Variants in XKR4 observed in about 807,000 individuals in gnomAD.
XKR4 encodes the protein XK-related protein 4.
XKR4 carries 12 observed loss-of-function variants against 53.9 expected under a neutral mutation model. The ratio of observed to expected loss-of-function variants is 0.22; its 90% confidence interval spans 0.14 to 0.36. The LOEUF (loss-of-function observed/expected upper bound fraction) is 0.36, where lower values mean the gene tolerates loss of function less well. Ranked by LOEUF, XKR4 falls within the 10% of genes least tolerant of loss-of-function variation. XKR4 has a pLI of 1.00. For missense variants in XKR4, 799 were observed against 859.5 expected (o/e 0.93, Z 0.88); for synonymous variants, 354 against 362.4 (o/e 0.98, Z 0.26).
chr8:55,364,085 G>T (rs1476767797), intron 2 of XKR4, among the ~76,000 whole-genome samples: 1 of 152,086 alleles, frequency 6.6e-6, no homozygotes, highest in Admixed American at 6.5e-5. Context: ...AAAATGAGAG[G>T]GGGGCTTACA....
At chr8:55,178,118 T>G (rs1817257391) in intron 1 of XKR4, among the ~76,000 whole-genome samples, 2 of 152,356 alleles carry the variant, frequency 1.3e-5, no homozygotes, top group South Asian at 4.1e-4. Flanking sequence ...TTCTTGTGCT[T>G]GTGTGCATAC....
At chr8:55,236,508 T>A (rs1359346362) in intron 1 of XKR4, among the ~76,000 whole-genome samples, 1 of 152,218 alleles carries the variant, frequency 6.6e-6, no homozygotes, top group Non-Finnish European at 1.5e-5. Context: ...GTCAAGAGGC[T>A]GGCCCACAGA....
At position 55,538,698 on chromosome 8, in the gene XKR4, A is replaced by AT. The variant is rs1384183241; in HGVS notation, c.*14477dup. On this transcript the variant is annotated 3_prime_UTR_variant, in exon 3 of 3. Transcript: ENST00000327381. ...GTTTGCATGCCTGATCCCAAGCTGC[A>AT]TTTTTTCAGAATGCGTGCATGATGC... 3 of 152,120 alleles carry AT rather than the reference A, an allele frequency of 2.0e-5. No individual in the cohort carries two copies. Among genetic ancestry groups the AT allele is most frequent in the Non-Finnish European group, 4.4e-5 (3 of 68,014 alleles). The allele number at this position is 152,120 out of a possible 1,614,324, so 9.4% of individuals were successfully genotyped here.
chr8:55,483,654 G>A (rs1366607341), intron 2 of XKR4, among the ~76,000 whole-genome samples: 1 of 151,838 alleles, frequency 6.6e-6, no homozygotes, highest in Non-Finnish European at 1.5e-5. Context: ...ACACTGTACT[G>A]AATAAAAACA....
At chr8:55,449,891 C>G (rs1336280443) in intron 2 of XKR4, 2 of 908,548 alleles carry the variant, frequency 2.2e-6, no homozygotes, top group Non-Finnish European at 3.6e-6. Flanking sequence ...CTGCCGCAGG[C>G]AGCCTGGCGG....
At chr8:55,286,164 C>T (rs1387867576) in intron 1 of XKR4, among the ~76,000 whole-genome samples, 3 of 152,134 alleles carry the variant, frequency 2.0e-5, no homozygotes, top group Non-Finnish European at 4.4e-5. Context: ...TCTCCTCCCT[C>T]AAAATGACAA....
At chr8:55,289,720 A>G (rs1452243219) in intron 1 of XKR4, among the ~76,000 whole-genome samples, 3 of 54,910 alleles carry the variant, frequency 5.5e-5, no homozygotes, top group Non-Finnish European at 2.4e-4. Flanking sequence ...AAAGAGAGAG[A>G]AAGAGAAAGA....
intron 2 of XKR4, among the ~76,000 whole-genome samples, chr8:55,461,237 C>T (rs541323426): frequency 6.6e-6 from 1 of 152,356 alleles, no homozygotes; most frequent in African/African-American, 2.4e-5. Context: ...TAGGGGCGGA[C>T]TGACACCTCA....
intron 1 of XKR4, among the ~76,000 whole-genome samples, chr8:55,327,274 G>T (rs527888235): frequency 1.3e-5 from 2 of 151,896 alleles, no homozygotes; most frequent in East Asian, 3.9e-4. Flanking sequence ...TATTGAAGTC[G>T]CTAGGTTTTC....
rs563323507 is a variant in XKR4 at position 55,405,368 on chromosome 8, T to G, written c.1006+47491T>G. On this transcript the variant is annotated intron_variant, in intron 2 of 2. Transcript: ENST00000327381. ...GCTCCCTGGAAAGCTTAAATTATAG[T>G]GATGTTGGCAACTGTCCACATAGCT... Among the ~76,000 whole-genome samples, 3 of 152,326 alleles carry G rather than the reference T, an allele frequency of 2.0e-5. No individual in the cohort carries two copies. The South Asian group carries it at 6.2e-4, about 32-fold the overall frequency.
At chr8:55,340,460 G>A (rs2129382039) in intron 1 of XKR4, among the ~76,000 whole-genome samples, 1 of 152,358 alleles carries the variant, frequency 6.6e-6, no homozygotes, top group East Asian at 1.9e-4. Context: ...TAAGGAGCTT[G>A]TAATCAAGTG....
At chr8:55,382,712 C>T (rs942891592) in intron 2 of XKR4, among the ~76,000 whole-genome samples, 2 of 152,120 alleles carry the variant, frequency 1.3e-5, no homozygotes, top group Admixed American at 6.5e-5. Context: ...GCTTTATCAG[C>T]TTATATTCTG....
At chr8:55,164,086 A>G (rs1487004957) in intron 1 of XKR4, 1 of 410,404 alleles carries the variant, frequency 2.4e-6, no homozygotes, top group South Asian at 1.7e-5. Context: ...TCTGTGACCC[A>G]CATTAAGACC....
chr8:55,327,399 C>T (rs983494156), intron 1 of XKR4, among the ~76,000 whole-genome samples: 7 of 151,818 alleles, frequency 4.6e-5, no homozygotes, highest in Non-Finnish European at 8.8e-5. Flanking sequence ...TTATGCTATC[C>T]CCAAATCAAG....
At chr8:55,369,204 A>G (rs1804034457) in intron 2 of XKR4, among the ~76,000 whole-genome samples, 1 of 151,746 alleles carries the variant, frequency 6.6e-6, no homozygotes. Context: ...TCTACAAAAG[A>G]GAAAAGAAAT....
chr8:55,410,903 G>A (rs770206225), intron 2 of XKR4, among the ~76,000 whole-genome samples: 2 of 152,004 alleles, frequency 1.3e-5, no homozygotes, highest in Non-Finnish European at 2.9e-5. Context: ...CACACTGTGG[G>A]CATGCTGCTC....
intron 1 of XKR4, among the ~76,000 whole-genome samples, chr8:55,345,881 C>T (rs1000309155): frequency 1.3e-5 from 2 of 152,008 alleles, no homozygotes; most frequent in Non-Finnish European, 2.9e-5. Flanking sequence ...CCCCTAATGC[C>T]TGTGTCAAAT....
chr8:55,157,483 C>T (rs768970581), intron 1 of XKR4, among the ~76,000 whole-genome samples: 3 of 151,710 alleles, frequency 2.0e-5, no homozygotes, highest in Admixed American at 2.0e-4. Flanking sequence ...TACCTCTAAA[C>T]GTTTTTGGAA....
chr8:55,326,396 C>T (rs768478424), intron 1 of XKR4, among the ~76,000 whole-genome samples: 12 of 151,044 alleles, frequency 7.9e-5, no homozygotes, highest in Non-Finnish European at 1.3e-4. Flanking sequence ...ATTTGTTTAA[C>T]GAGATTATAA....
Sources: gnomAD v4.1 joint callset for allele counts (sites outside exome capture counted in the v4.1 genomes callset) on GRCh38, gnomAD v4.1.1 for gene constraint, MANE v1.5 for transcripts, NCBI Gene and HGNC (gene_info 2026-07-23, HGNC 2026-07-21) for gene names.